Variants in ARHGAP23 observed in about 807,000 individuals in gnomAD.
ARHGAP23 encodes the protein rho GTPase-activating protein 23.
Under a neutral mutation model 136.3 loss-of-function variants are expected in ARHGAP23, and 34 were observed. That is an observed-to-expected ratio of 0.25 (90% confidence interval 0.19 to 0.33). The LOEUF is 0.33. ARHGAP23 is among the 10% of genes least tolerant of loss of function. ARHGAP23 has a pLI of 1.00. For synonymous variants in ARHGAP23, 832 were observed against 920.5 expected (o/e 0.90, Z 1.74); for missense variants, 1,808 against 2,139.0 (o/e 0.85, Z 3.05).
Position 38,510,328 on chromosome 17 carries a change from G to C in ARHGAP23, c.3832G>C (p.Glu1278Gln). Residue 1278 changes from glutamate to glutamine, a missense_variant, in exon 24 of 24, where the codon GAG becomes CAG. Glu to Gln is a conservative substitution (Grantham distance 29, BLOSUM62 2). Transcript: ENST00000622683. The surrounding 1 kb of genome is among the most constrained non-coding windows in gnomAD (Gnocchi z 4.6). ...AGGGGCGGGGGATGAGGCGGACGAC[G>C]AGCGTAGCGAGCTGAGCCACGTGGA... is the stretch of plus-strand genomic sequence containing the variant. The part of the protein sequence containing the change: ...RAGAGDEADD[E>Q]RSELSHVETD... 1 of 1,258,092 alleles carries C rather than the reference G, an allele frequency of 7.9e-7. No individual in the cohort carries two copies. Among genetic ancestry groups the C allele is most frequent in the Non-Finnish European group, 1.0e-6 (1 of 1,002,004 alleles). The allele number at this position is 1,258,092 out of a possible 1,614,324, so 77.9% of individuals were successfully genotyped here.
At chr17:38,485,478 G>T (rs2040139575) in intron 16 of ARHGAP23, among the ~76,000 whole-genome samples, 1 of 152,166 alleles carries the variant, frequency 6.6e-6, no homozygotes, top group Non-Finnish European at 1.5e-5. Flanking sequence ...CATGAACACG[G>T]AAACAAAAGC....
intron 3 of ARHGAP23, 109 bp from the exon 4 acceptor site, chr17:38,462,737 G>A (rs1567794829): frequency 2.5e-6 from 2 of 799,446 alleles, no homozygotes; most frequent in Non-Finnish European, 3.8e-6. Flanking sequence ...GCATGTTTGT[G>A]ACCGGACGAG....
At chr17:38,491,746 A>C in intron 20 of ARHGAP23, 1 of 674,258 alleles carries the variant, frequency 1.5e-6, no homozygotes, top group Non-Finnish European at 2.5e-6. Context: ...CTGCCCTGGG[A>C]TGTTGTGTCC....
chr17:38,462,114 G>A (rs989062229), intron 3 of ARHGAP23, among the ~76,000 whole-genome samples: 5 of 150,436 alleles, frequency 3.3e-5, no homozygotes, highest in East Asian at 2.0e-4. Context: ...CACCGCGCCC[G>A]GCTAATTTTT....
At chr17:38,448,267 A>C (rs578195470) in intron 1 of ARHGAP23, among the ~76,000 whole-genome samples, 1 of 152,146 alleles carries the variant, frequency 6.6e-6, no homozygotes, top group Non-Finnish European at 1.5e-5. Flanking sequence ...GCCTGGGTCT[A>C]TGAGCGTCCA....
At chr17:38,467,427 C>T (rs902798278) in intron 7 of ARHGAP23, 96 bp downstream of exon 7, 29 of 1,202,166 alleles carry the variant, frequency 2.4e-5, no homozygotes, top group African/African-American at 7.7e-5. Flanking sequence ...GGGCAGAATT[C>T]GGCTGGGTGC....
Position 38,420,397 on chromosome 17 carries a change from G to T in ARHGAP23, n.120+998G>T, listed in dbSNP as rs551424566. The stretch of plus-strand genomic sequence containing the variant: ...GGGACACACCTTTCAGTGCTCAGCC[G>T]CCCTAACTCCCTTCTTTTCCTGGCC... On this transcript the variant is annotated intron_variant and non_coding_transcript_variant, in intron 1 of 4. Coordinates refer to the ARHGAP23 transcript ENST00000633445. Among the ~76,000 whole-genome samples, 4 of 152,320 alleles carry T rather than the reference G, an allele frequency of 2.6e-5. No homozygotes were observed. In the East Asian group the frequency reaches 5.8e-4, roughly 22 times the overall value.
Position 38,489,272 on chromosome 17 carries a change from T to TAA in ARHGAP23, c.2987-829_2987-828insAA, listed in dbSNP as rs2040220373. The stretch of plus-strand genomic sequence containing the variant: ...TAGGATGGCCTTAGGATTATAAAAA[T>TAA]ATTTTCTTACTTTTTCCCCAGTGCT... On this transcript the variant is annotated intron_variant, in intron 17 of 23. Coordinates refer to ENST00000622683, the MANE Select transcript of ARHGAP23 (RefSeq NM_001199417.2). Among the ~76,000 whole-genome samples, 4 of 152,292 alleles carry TAA rather than the reference T, an allele frequency of 2.6e-5. No individual in the cohort carries two copies. In the South Asian group the frequency reaches 8.3e-4, roughly 32 times the overall value.
At chr17:38,480,842 T>C in intron 14 of ARHGAP23, among the ~76,000 whole-genome samples, 1 of 150,556 alleles carries the variant, frequency 6.6e-6, no homozygotes, top group East Asian at 2.0e-4. Context: ...AGTTGTTCCC[T>C]TGGGCCAGCA....
Position 38,466,551 on chromosome 17 carries a change from C to T in ARHGAP23, c.868C>T (p.His290Tyr). Residue 290 changes from histidine (H) to tyrosine (Y), a missense_variant, in exon 7 of 24, where the codon CAC becomes TAC. This residue lies in a region of ARHGAP23 where 859 missense variants were observed against 936.4 expected (regional missense o/e 0.92). Coordinates refer to ENST00000622683, the MANE Select transcript of ARHGAP23 (RefSeq NM_001199417.2). Reference sequence around the variant, plus strand: ...ACTGGAGTGCCAGCAGGCCTTGTCACACTGGCTGTCAAACCAGGTACCCCG... The same window carrying T: ...ACTGGAGTGCCAGCAGGCCTTGTCATACTGGCTGTCAAACCAGGTACCCCG... ...SRLECQQALS[H>Y]WLSNQVPRRA... 13 of 1,478,394 alleles carry T rather than the reference C, an allele frequency of 8.8e-6. No individual in the cohort carries two copies. The highest frequency in any genetic ancestry group is 1.2e-5 in the Non-Finnish European group (13 of 1,121,336). 91.6% of individuals were successfully genotyped at this position (1,478,394 alleles called of 1,614,324 possible).
intron 10 of ARHGAP23, 126 bp from the exon 11 acceptor site, chr17:38,471,737 G>T (rs115189245): frequency 9.0e-7 from 1 of 1,116,238 alleles, no homozygotes; most frequent in Admixed American, 2.6e-5. Context: ...CCATGAGGTC[G>T]CACAGCACAT....
chr17:38,511,318 A>G lies in ARHGAP23; in HGVS notation c.*346A>G. ...TGTGGACCATGGGGTGTGGCTAGGG[A>G]ACCCCTAAGTTTCAGACTAAAGGAA... On this transcript the variant is annotated 3_prime_UTR_variant, in exon 24 of 24. Transcript: ENST00000622683. 1 of 282,288 alleles carries G rather than the reference A, an allele frequency of 3.5e-6. No homozygotes were observed. Among genetic ancestry groups the G allele is most frequent in the East Asian group, 6.0e-5 (1 of 16,534 alleles). 17.5% of individuals were successfully genotyped at this position (282,288 alleles called of 1,614,324 possible).
At chr17:38,454,770 C>T (rs964220167) in intron 1 of ARHGAP23, among the ~76,000 whole-genome samples, 6 of 152,194 alleles carry the variant, frequency 3.9e-5, no homozygotes, top group African/African-American at 1.2e-4. Flanking sequence ...CTGCAATGAC[C>T]TCTTTATGCT....
chr17:38,477,523 G>A lies in ARHGAP23; in HGVS notation c.2119-56G>A. 8.3e-7 allele frequency: 1 copy of A among 1,200,732 alleles called. No individual in the cohort carries two copies. Among genetic ancestry groups the A allele is most frequent in the East Asian group, 3.9e-5 (1 of 25,550 alleles). The allele number at this position is 1,200,732 out of a possible 1,614,324, so 74.4% of individuals were successfully genotyped here. ...CTCTGTCTGCTACTCTGAGAGCAGTGGGCAAAACTGGCCTCTCACCATTCC... is the reference window on the plus strand; with the variant it reads ...CTCTGTCTGCTACTCTGAGAGCAGTAGGCAAAACTGGCCTCTCACCATTCC... On this transcript the variant is annotated intron_variant, in intron 11 of 23. Transcript: ENST00000622683. This position sits in a 1 kb window ranked among gnomAD's most constrained non-coding sequence, Gnocchi z 6.6.
chr17:38,490,294 C>T (rs1292774687), intron 18 of ARHGAP23, 119 bp downstream of exon 18: 6 of 1,165,744 alleles, frequency 5.1e-6, no homozygotes, highest in African/African-American at 4.6e-5. Flanking sequence ...AAGCCCCGCT[C>T]CACTCAGGGC....
upstream of ARHGAP23, among the ~76,000 whole-genome samples, chr17:38,424,528 C>T (rs2038551407): frequency 6.6e-6 from 1 of 152,170 alleles, no homozygotes; most frequent in Admixed American, 6.5e-5. Context: ...TCCTTGTTGC[C>T]TCCTCCTTCT....
chr17:38,508,442 G>A (rs2040681762), intron 23 of ARHGAP23, among the ~76,000 whole-genome samples: 2 of 152,192 alleles, frequency 1.3e-5, no homozygotes, highest in African/African-American at 4.8e-5. Flanking sequence ...TGGGAAAGTT[G>A]GGGCTGGGTT....
chr17:38,490,041 G>A, intron 17 of ARHGAP23, 61 bp from the exon 18 acceptor site: 1 of 1,504,700 alleles, frequency 6.6e-7, no homozygotes, highest in East Asian at 2.5e-5. Context: ...AGGGCCCTTG[G>A]CCGGGAGAAC....
chr17:38,484,472 A>G (rs1356381796), intron 16 of ARHGAP23, among the ~76,000 whole-genome samples: 9 of 152,088 alleles, frequency 5.9e-5, no homozygotes, highest in Admixed American at 3.9e-4. Flanking sequence ...CAGCTGAGGC[A>G]TGGGATGACC....
Sources: gnomAD v4.1 joint callset for allele counts (sites outside exome capture counted in the v4.1 genomes callset) on GRCh38, gnomAD v4.1.1 for gene constraint, gnomAD v4.1.1 regional missense constraint, Gnocchi (gnomAD v3.1) non-coding constraint, MANE v1.5 for transcripts, NCBI Gene and HGNC (gene_info 2026-07-23, HGNC 2026-07-21) for gene names.